Variants in PHLDB2 observed in about 807,000 individuals in gnomAD.
The protein encoded by PHLDB2 is pleckstrin homology like domain family B member 2.
A neutral mutation model predicts 123.6 loss-of-function variants in PHLDB2; 71 were observed. The observed-to-expected ratio is 0.57, with a 90% CI of 0.47 to 0.70. PHLDB2 has a LOEUF of 0.70. Among genes scored for constraint, PHLDB2 ranks in the 30% least tolerant of loss-of-function variants. PHLDB2 has a pLI of 0.00. For missense variants in PHLDB2, 1,446 were observed against 1,519.5 expected (o/e 0.95, Z 0.80); for synonymous variants, 547 against 541.6 (o/e 1.01, Z -0.14).
intron 1 of PHLDB2, among the ~76,000 whole-genome samples, chr3:111,866,329 A>G (rs1410841026): frequency 2.6e-5 from 4 of 151,948 alleles, no homozygotes; most frequent in Admixed American, 6.6e-5. Context: ...CATGTACTCA[A>G]TTTGTGATGT....
intron 1 of PHLDB2, chr3:111,859,974 CTGGG>C: frequency 3.3e-6 from 3 of 904,946 alleles, no homozygotes; most frequent in Non-Finnish European, 3.9e-6. Context: ...GGCTGCGCAG[CTGGG>C]TGGGTGGGGG....
At chr3:111,952,736 G>A (rs766285006) in intron 11 of PHLDB2, 24 bp downstream of exon 11, 1 of 1,602,056 alleles carries the variant, frequency 6.2e-7, no homozygotes, top group Non-Finnish European at 8.5e-7. Context: ...GAAACCACGG[G>A]CTTCCCATTC....
chr3:111,948,247 G>GT (rs2070450209), intron 9 of PHLDB2, among the ~76,000 whole-genome samples: 1 of 132,592 alleles, frequency 7.5e-6, no homozygotes, highest in Non-Finnish European at 1.6e-5. Context: ...TTAGGACTCC[G>GT]TGTGTGTGTG....
At chr3:111,811,980 G>A (rs1253669127) in intron 1 of PHLDB2, among the ~76,000 whole-genome samples, 1 of 152,120 alleles carries the variant, frequency 6.6e-6, no homozygotes, top group Non-Finnish European at 1.5e-5. Context: ...AGAGAAAATT[G>A]CTTGGAATGT....
intron 17 of PHLDB2, 111 bp from the exon 18 acceptor site, chr3:111,974,312 T>A: frequency 9.2e-7 from 1 of 1,082,660 alleles, no homozygotes; most frequent in Non-Finnish European, 1.3e-6. Context: ...AGTAACGCCT[T>A]TGTAAATTTA....
intron 1 of PHLDB2, among the ~76,000 whole-genome samples, chr3:111,834,842 AT>A (rs1185481189): frequency 6.6e-6 from 1 of 152,002 alleles, no homozygotes; most frequent in Non-Finnish European, 1.5e-5. Flanking sequence ...CCTTGGCTAT[AT>A]TTTTAAGTCT....
intron 1 of PHLDB2, among the ~76,000 whole-genome samples, chr3:111,769,009 T>C (rs2060129862): frequency 6.6e-6 from 1 of 152,210 alleles, no homozygotes; most frequent in Non-Finnish European, 1.5e-5. Context: ...TTTAGTGAAC[T>C]GCTGCCTCCC....
intron 2 of PHLDB2, among the ~76,000 whole-genome samples, chr3:111,854,246 C>T (rs1282981): frequency 0.2 from 29,748 of 152,076 alleles, 2,981 homozygotes; most frequent in Admixed American, 0.26. Flanking sequence ...CAATTACCTC[C>T]ACCTGGTCCC....
intron 1 of PHLDB2, among the ~76,000 whole-genome samples, chr3:111,752,317 C>T (rs937649288): frequency 6.6e-6 from 1 of 151,930 alleles, no homozygotes; most frequent in Non-Finnish European, 1.5e-5. Context: ...CTCTAAAATT[C>T]TATCATTCGC....
intron 1 of PHLDB2, among the ~76,000 whole-genome samples, chr3:111,831,183 A>C (rs1235093334): frequency 1.3e-5 from 2 of 152,164 alleles, no homozygotes; most frequent in African/African-American, 4.8e-5. Flanking sequence ...TAGATAGTAG[A>C]ATCATAAATA....
chr3:111,835,992 G>A (rs946911778), intron 1 of PHLDB2, among the ~76,000 whole-genome samples: 13 of 152,168 alleles, frequency 8.5e-5, no homozygotes, highest in African/African-American at 2.9e-4. Flanking sequence ...TCATGATGGA[G>A]GGCTGCCAAT....
At chr3:111,796,980 G>A (rs1289008433) in intron 1 of PHLDB2, among the ~76,000 whole-genome samples, 1 of 152,142 alleles carries the variant, frequency 6.6e-6, no homozygotes, top group South Asian at 2.1e-4. Context: ...GGTTTTGTTT[G>A]TTTTTAAACT....
In PHLDB2 at chr3:111,913,710, T is replaced by A; in HGVS notation, c.1719+8T>A. 6.2e-7 allele frequency: 1 copy of A among 1,605,074 alleles called. No homozygotes were observed. Among genetic ancestry groups the A allele is most frequent in the South Asian group, 1.1e-5 (1 of 90,238 alleles). On this transcript the variant is annotated splice_region_variant and intron_variant, in intron 3 of 17. Transcript: ENST00000431670. Reference sequence around the variant, plus strand: ...CTAAGTATCCTACCAAAGGTAATGTTGGCCCAGCAAAGATACTAGGATTTA... The same window carrying A: ...CTAAGTATCCTACCAAAGGTAATGTAGGCCCAGCAAAGATACTAGGATTTA...
chr3:111,825,885 C>A (rs1576756814), intron 1 of PHLDB2, among the ~76,000 whole-genome samples: 1 of 152,038 alleles, frequency 6.6e-6, no homozygotes, highest in Non-Finnish European at 1.5e-5. Flanking sequence ...GAAATAAAAT[C>A]AATTGGTTGT....
chr3:111,918,463 T>C (rs918811362), intron 3 of PHLDB2, among the ~76,000 whole-genome samples: 3 of 152,184 alleles, frequency 2.0e-5, no homozygotes, highest in African/African-American at 7.2e-5. Flanking sequence ...ATACTGAGTG[T>C]GTAGTTTTAA....
At chr3:111,948,208 T>C (rs1456519205) in intron 9 of PHLDB2, among the ~76,000 whole-genome samples, 1 of 152,146 alleles carries the variant, frequency 6.6e-6, no homozygotes, top group African/African-American at 2.4e-5. Flanking sequence ...CTGCCTTGAA[T>C]TGAAACATAC....
chr3:111,967,317 A>G (rs371046255), intron 14 of PHLDB2, among the ~76,000 whole-genome samples: 73 of 152,352 alleles, frequency 4.8e-4, no homozygotes, highest in African/African-American at 1.7e-3. Flanking sequence ...CAGTAGTCAA[A>G]AGACAGGCTA....
chr3:111,827,935 A>C (rs2062747773), intron 1 of PHLDB2, among the ~76,000 whole-genome samples: 1 of 152,198 alleles, frequency 6.6e-6, no homozygotes, highest in African/African-American at 2.4e-5. Flanking sequence ...GGAGATAAAA[A>C]TGTCACCTTC....
chr3:111,749,720 T>A (rs1304770398), intron 1 of PHLDB2, among the ~76,000 whole-genome samples: 2 of 152,220 alleles, frequency 1.3e-5, no homozygotes, highest in Non-Finnish European at 2.9e-5. Flanking sequence ...CCCCTTATAA[T>A]TTTAATGGCC....
Sources: allele counts gnomAD v4.1 joint callset (sites outside exome capture counted in the v4.1 genomes callset), GRCh38; gene constraint gnomAD v4.1.1; transcripts MANE v1.5; gene names NCBI Gene and HGNC (gene_info 2026-07-23, HGNC 2026-07-21).